The following MAPT variants were observed in gnomAD, a reference collection of about 807,000 sequenced individuals.
The protein encoded by MAPT is microtubule associated protein tau, also known as microtubule-associated protein tau.
Under a neutral mutation model 67.9 loss-of-function variants are expected in MAPT, and 34 were observed. The observed-to-expected ratio is 0.50, with a 90% CI of 0.38 to 0.67. The LOEUF (loss-of-function observed/expected upper bound fraction) is 0.67, where lower values mean the gene tolerates loss of function less well. MAPT is among the 30% of genes least tolerant of loss of function. The pLI is 0.00. For missense variants in MAPT, 881 were observed against 1,115.2 expected, an observed-to-expected ratio of 0.79 and a Z score of 2.99; for synonymous variants, 456 against 464.5, an observed-to-expected ratio of 0.98 and a Z score of 0.23.
intron 1 of MAPT, among the ~76,000 whole-genome samples, chr17:45,957,932 T>A (rs940465530): frequency 1.3e-5 from 2 of 151,932 alleles, no homozygotes; most frequent in Non-Finnish European, 2.9e-5. Flanking sequence ...AAGAAAATGA[T>A]ATCTAAGCCC....
rs759294645 is a variant in MAPT at position 45,983,743 on chromosome 17, G to T, written c.1164G>T (p.Lys388Asn). The T allele has an allele frequency of 1.4e-5, 23 of 1,614,072 alleles. No individual in the cohort carries two copies. Among genetic ancestry groups the T allele is most frequent in the Non-Finnish European group, 1.9e-5 (22 of 1,180,054 alleles). Residue 388 changes from lysine to asparagine, a missense_variant, in exon 5 of 13, where the codon AAG becomes AAT. By Grantham distance (94) the Lys-to-Asn change is moderately conservative. This residue lies in a region of MAPT where 687 missense variants were observed against 766.1 expected (regional missense o/e 0.90). Coordinates refer to ENST00000262410, the MANE Select transcript of MAPT (RefSeq NM_001377265.1). ...FHVEITPNVQKEQAHSEEHLG... is the reference protein window; with the variant it reads ...FHVEITPNVQNEQAHSEEHLG... ...TGGAAATCACACCCAACGTGCAGAA[G>T]GAGCAGGCGCACTCGGAGGAGCATT...
chr17:45,928,820 T>A (rs1013242004), intron 1 of MAPT, among the ~76,000 whole-genome samples: 5 of 152,180 alleles, frequency 3.3e-5, no homozygotes, highest in Admixed American at 2.0e-4. Flanking sequence ...CTCAGCCTCC[T>A]GAGTGGCTGG....
At chr17:46,001,067 AT>A (rs952526729) in intron 9 of MAPT, among the ~76,000 whole-genome samples, 12 of 150,346 alleles carry the variant, frequency 8.0e-5, no homozygotes, top group African/African-American at 1.9e-4. Flanking sequence ...TGTCTCTACA[AT>A]TTTTTTTTTA....
At chr17:46,020,967 G>A (rs1164944586) in intron 12 of MAPT, among the ~76,000 whole-genome samples, 1 of 152,172 alleles carries the variant, frequency 6.6e-6, no homozygotes, top group African/African-American at 2.4e-5. Context: ...CAGCCGGGCC[G>A]TCTTTCCACC....
At position 45,996,897 on chromosome 17, in the gene MAPT, A is replaced by C. The variant is rs1314086286; in HGVS notation, c.1998+233A>C. 6.6e-6 allele frequency among the ~76,000 whole-genome samples: 1 copy of C among 152,156 alleles called. No homozygotes were observed. Among genetic ancestry groups the C allele is most frequent in the East Asian group, 1.9e-4 (1 of 5,180 alleles). Reference sequence around the variant, plus strand: ...TTATTGGGCTCTCCACTACACTGTGAGTGCCCTCCTCAGGCGAGAGAACGT... The same window carrying C: ...TTATTGGGCTCTCCACTACACTGTGCGTGCCCTCCTCAGGCGAGAGAACGT... On this transcript the variant is annotated intron_variant, in intron 9 of 12. Coordinates refer to ENST00000262410, the MANE Select transcript of MAPT (RefSeq NM_001377265.1). This position sits in a 1 kb window ranked among gnomAD's most constrained non-coding sequence, Gnocchi z 4.5.
chr17:45,941,680 C>CCCCTTCCACCCTTCCCCCCT (rs2067928765), intron 1 of MAPT, among the ~76,000 whole-genome samples: 1 of 47,224 alleles, frequency 2.1e-5, no homozygotes, highest in African/African-American at 8.9e-5. Context: ...CCCCCCTTCC[C>CCCCTTCCACCCTTCCCCCCT]TCCTTCCTTC....
intron 12 of MAPT, among the ~76,000 whole-genome samples, chr17:46,020,106 G>A (rs374454983): frequency 4.1e-4 from 62 of 151,994 alleles, no homozygotes; most frequent in Admixed American, 2.1e-3. Flanking sequence ...CAGCTGTGGC[G>A]CACCAAGAAC....
intron 1 of MAPT, among the ~76,000 whole-genome samples, chr17:45,940,389 G>A (rs577375669): frequency 6.6e-6 from 1 of 152,338 alleles, no homozygotes; most frequent in African/African-American, 2.4e-5. Context: ...CTGTGCTTCA[G>A]AGTCCTCATC....
chr17:45,991,824 A>T (rs1239790132), intron 8 of MAPT, among the ~76,000 whole-genome samples: 5 of 134,532 alleles, frequency 3.7e-5, no homozygotes, highest in Admixed American at 7.6e-5. Flanking sequence ...CGCTTTTGTT[A>T]TCCAGGCCGG....
At chr17:46,017,783 A>C (rs948572154) in intron 11 of MAPT, among the ~76,000 whole-genome samples, 1 of 148,750 alleles carries the variant, frequency 6.7e-6, no homozygotes, top group Non-Finnish European at 1.5e-5. Context: ...TTTAGTGTGC[A>C]TTTTGACATT....
chr17:45,990,772 G>C (rs2073998349), intron 7 of MAPT, among the ~76,000 whole-genome samples: 1 of 152,078 alleles, frequency 6.6e-6, no homozygotes. Flanking sequence ...GTGGTCCTTG[G>C]TTAATGTCAG....
At chr17:45,927,995 G>A (rs112166495) in intron 1 of MAPT, among the ~76,000 whole-genome samples, 19,197 of 113,694 alleles carry the variant, frequency 0.17, 1,916 homozygotes, top group Middle Eastern at 0.31. Context: ...GTGAGACTCC[G>A]TCTCAGGAAA....
In MAPT at chr17:45,983,891, C is replaced by T. The variant is rs751739883; in HGVS notation, c.1312C>T (p.Pro438Ser). The T allele has an allele frequency of 1.3e-6, 2 of 1,587,832 alleles. No homozygotes were observed. Among genetic ancestry groups the T allele is most frequent in the African/African-American group, 1.4e-5 (1 of 73,302 alleles). The change falls in exon 5 of 13, where the codon CCG (proline) becomes TCG (serine). Residue 438 changes from proline (P) to serine (S), a missense_variant. By Grantham distance (74) the Pro-to-Ser change is moderately conservative. This residue lies in a region of MAPT where 687 missense variants were observed against 766.1 expected (regional missense o/e 0.90). Coordinates refer to ENST00000262410, the MANE Select transcript of MAPT (RefSeq NM_001377265.1). ...CTCTGAAAAGCAGCCTGCTGCTGCT[C>T]CGCGGGGGAAGCCCGTCAGCCGGGT... is the stretch of plus-strand genomic sequence containing the variant. ...EPSEKQPAAA[P>S]RGKPVSRVPQ...
At chr17:45,912,968 G>A (rs1403133026) in intron 1 of MAPT, among the ~76,000 whole-genome samples, 4 of 152,284 alleles carry the variant, frequency 2.6e-5, no homozygotes, top group Non-Finnish European at 4.4e-5. Flanking sequence ...ACAGTTGTTC[G>A]TGATTTCTTC....
chr17:46,012,083 G>A (rs2146043040), intron 10 of MAPT, among the ~76,000 whole-genome samples: 2 of 152,322 alleles, frequency 1.3e-5, no homozygotes, highest in South Asian at 4.1e-4. Context: ...AGCTGTTTGA[G>A]CTTTGATCCT....
At chr17:45,904,981 G>C (rs2064200713) in intron 1 of MAPT, among the ~76,000 whole-genome samples, 1 of 152,138 alleles carries the variant, frequency 6.6e-6, no homozygotes, top group Non-Finnish European at 1.5e-5. Flanking sequence ...TCATTGCCAG[G>C]AAACATCAGG....
rs1189008221 is a variant in MAPT at position 46,027,191 on chromosome 17, T to C, written c.*3020T>C. 3 of 147,838 alleles carry C rather than the reference T, an allele frequency of 2.0e-5. No homozygotes were observed. Among genetic ancestry groups the C allele is most frequent in the African/African-American group, 7.7e-5 (3 of 38,968 alleles). The allele number at this position is 147,838 out of a possible 1,614,324, so 9.2% of individuals were successfully genotyped here. A position where few individuals can be genotyped will look rare whatever the true frequency, so the allele number is the denominator to read the frequency against. On this transcript the variant is annotated 3_prime_UTR_variant, in exon 13 of 13. Transcript: ENST00000262410. ...TCCTCTTCCTGAAGTTCTTGTGCCC[T>C]GCTCTTCAGCACCATGGGCCTTCTT...
intron 3 of MAPT, chr17:45,974,557 C>G: frequency 9.3e-7 from 1 of 1,073,158 alleles, no homozygotes; most frequent in Admixed American, 2.0e-5. Flanking sequence ...GGGAGCTTTG[C>G]GTGTTTATCC....
At chr17:45,989,030 A>G (rs952439100) in intron 6 of MAPT, among the ~76,000 whole-genome samples, 6 of 151,882 alleles carry the variant, frequency 4.0e-5, no homozygotes, top group African/African-American at 1.5e-4. Flanking sequence ...GTCAGGTAGA[A>G]TCTTTCCAAC....
Sources: allele counts gnomAD v4.1 joint callset (sites outside exome capture counted in the v4.1 genomes callset), GRCh38; gene constraint gnomAD v4.1.1; regional missense constraint gnomAD v4.1.1; non-coding constraint Gnocchi (gnomAD v3.1); transcripts MANE v1.5; gene names NCBI Gene and HGNC (gene_info 2026-07-23, HGNC 2026-07-21).